Variants in PEAK1 observed in about 807,000 individuals in gnomAD.
The protein encoded by PEAK1 is pseudopodium enriched atypical kinase 1, also known as inactive tyrosine-protein kinase PEAK1.
In PEAK1, 54 loss-of-function variants were observed where a neutral mutation model predicts 124.7. That is an observed-to-expected ratio of 0.43 (90% CI 0.35 to 0.54). PEAK1 has a LOEUF of 0.54. Among genes scored for constraint, PEAK1 ranks in the 20% least tolerant of loss-of-function variants. The pLI, the probability that PEAK1 is intolerant of heterozygous loss-of-function variation, is 0.01. For synonymous variants in PEAK1, 719 were observed against 760.0 expected (o/e 0.95, Z 0.89); for missense variants, 2,046 against 2,134.5 (o/e 0.96, Z 0.82).
chr15:77,301,172 A>G (rs2063766215), intron 2 of PEAK1, among the ~76,000 whole-genome samples: 1 of 152,210 alleles, frequency 6.6e-6, no homozygotes, highest in African/African-American at 2.4e-5. Context: ...GCACTCTCTT[A>G]GAAGTCTCTA....
intron 5 of PEAK1, among the ~76,000 whole-genome samples, chr15:77,255,088 T>C (rs1187927489): frequency 3.9e-5 from 6 of 152,234 alleles, no homozygotes; most frequent in Non-Finnish European, 7.4e-5. Context: ...TTTCCAGATA[T>C]AGGGCACACA....
intron 8 of PEAK1, among the ~76,000 whole-genome samples, chr15:77,144,973 T>C (rs1231126251): frequency 6.6e-6 from 1 of 152,218 alleles, no homozygotes; most frequent in Non-Finnish European, 1.5e-5. Context: ...CATCACATAC[T>C]CTACATTTTT....
chr15:77,213,050 A>T (rs971503892), intron 6 of PEAK1, among the ~76,000 whole-genome samples: 1 of 152,376 alleles, frequency 6.6e-6, no homozygotes, highest in African/African-American at 2.4e-5. Context: ...CTGAAAGATC[A>T]TAATTCCCTA....
intron 8 of PEAK1, among the ~76,000 whole-genome samples, chr15:77,143,163 C>T (rs2053919330): frequency 6.6e-6 from 1 of 152,188 alleles, no homozygotes; most frequent in Non-Finnish European, 1.5e-5. Context: ...CCTATTTTCT[C>T]TTGGCTAATG....
At chr15:77,166,902 T>C (rs77281472) in intron 7 of PEAK1, among the ~76,000 whole-genome samples, 3 of 152,194 alleles carry the variant, frequency 2.0e-5, no homozygotes, top group Non-Finnish European at 2.9e-5. Context: ...ATTATGCCAA[T>C]GGCTACCAAA....
chr15:77,311,197 T>C (rs2064415632), intron 2 of PEAK1, among the ~76,000 whole-genome samples: 1 of 152,178 alleles, frequency 6.6e-6, no homozygotes, highest in Non-Finnish European at 1.5e-5. Context: ...ATCTCCCATA[T>C]GATAACTGCC....
At chr15:77,333,280 G>T (rs1053195154) in intron 2 of PEAK1, 31 of 951,650 alleles carry the variant, frequency 3.3e-5, no homozygotes, top group Non-Finnish European at 3.6e-5. Context: ...CCACTGTGCC[G>T]GATTCAATCA....
intron 2 of PEAK1, chr15:77,338,206 G>A: frequency 1.4e-6 from 1 of 738,786 alleles, no homozygotes; most frequent in Non-Finnish European, 1.7e-6. Flanking sequence ...GTATGGTTCA[G>A]ATTTAATTTA....
At chr15:77,380,103 G>A (rs570445647) in intron 1 of PEAK1, among the ~76,000 whole-genome samples, 1 of 151,850 alleles carries the variant, frequency 6.6e-6, no homozygotes, top group African/African-American at 2.4e-5. Flanking sequence ...TAGCTCCATT[G>A]GTCTTTGTTA....
intron 5 of PEAK1, among the ~76,000 whole-genome samples, chr15:77,253,169 G>A (rs1189765713): frequency 6.7e-6 from 1 of 149,352 alleles, no homozygotes; most frequent in Admixed American, 6.7e-5. Flanking sequence ...CTATATACAA[G>A]AGGATGTATA....
At chr15:77,176,928 G>C (rs965871112) in intron 7 of PEAK1, among the ~76,000 whole-genome samples, 1 of 152,122 alleles carries the variant, frequency 6.6e-6, no homozygotes, top group Admixed American at 6.5e-5. Context: ...TGTTTAAGCT[G>C]CCTCTTTTCT....
intron 6 of PEAK1, among the ~76,000 whole-genome samples, chr15:77,230,446 G>A (rs577915757): frequency 2.6e-5 from 4 of 152,158 alleles, no homozygotes; most frequent in East Asian, 3.9e-4. Flanking sequence ...TGATCCACCC[G>A]CCTTGGCCTC....
chr15:77,182,059 G>C lies in PEAK1; in HGVS notation c.-114-19C>G. 1 of 1,374,084 alleles carries C rather than the reference G, an allele frequency of 7.3e-7. No individual in the cohort carries two copies. The highest frequency in any genetic ancestry group is 1.5e-5 in the African/African-American group (1 of 68,530). The allele number at this position is 1,374,084 out of a possible 1,614,324, so 85.1% of individuals were successfully genotyped here. ...GATCAATCTGTGGAGGGGAAAAGAA[G>C]ACAAAAAATCTGAATGAAAAAGGCA... On this transcript the variant is annotated intron_variant, in intron 6 of 9. Transcript: ENST00000682557.
chr15:77,361,790 C>G (rs1217108880), intron 2 of PEAK1, among the ~76,000 whole-genome samples: 1 of 151,998 alleles, frequency 6.6e-6, no homozygotes, highest in East Asian at 1.9e-4. Flanking sequence ...TTTACTGTAG[C>G]ACTACTGACA....
chr15:77,181,299 T>A lies in PEAK1; in HGVS notation c.628A>T (p.Ile210Phe). 1 of 1,614,152 alleles carries A rather than the reference T, an allele frequency of 6.2e-7. No homozygotes were observed. The highest frequency in any genetic ancestry group is 1.7e-5 in the Admixed American group (1 of 60,034). ...ATCACTTCTGTGCTCCCACTCAGAA[T>A]AACATGCTTGCCCTGAGTTTCCTTT... ...GIKETQGKHV[I>F]LSGSTEVISN... Residue 210 changes from isoleucine to phenylalanine, a missense_variant, in exon 7 of 10, where the codon ATT (isoleucine) becomes TTT (phenylalanine). Ile to Phe is a conservative substitution (Grantham distance 21, BLOSUM62 0). Coordinates refer to ENST00000682557, the MANE Select transcript of PEAK1 (RefSeq NM_001385026.1).
Position 77,181,424 on chromosome 15 carries a change from T to C in PEAK1, c.503A>G (p.Asn168Ser). ...GLDTAPQIRG[N>S]ETNSRETFLG... ...GAATGTTTCTCTGGAGTTTGTTTCA[T>C]TTCCTCTTATCTGAGGGGCAGTATC... is the stretch of plus-strand genomic sequence containing the variant. The change falls in exon 7 of 10, where the codon AAT becomes AGT. Residue 168 changes from asparagine (N) to serine (S), a missense_variant. By Grantham distance (46) the Asn-to-Ser change is conservative (BLOSUM62 1). Coordinates refer to ENST00000682557, the MANE Select transcript of PEAK1 (RefSeq NM_001385026.1). The C allele has an allele frequency of 1.2e-6, 2 of 1,614,200 alleles. No homozygotes were observed. Among genetic ancestry groups the C allele is most frequent in the South Asian group, 1.1e-5 (1 of 91,082 alleles).
At chr15:77,175,766 G>A (rs1409911900) in intron 7 of PEAK1, among the ~76,000 whole-genome samples, 1 of 152,148 alleles carries the variant, frequency 6.6e-6, no homozygotes, top group Non-Finnish European at 1.5e-5. Context: ...TATACCCAAA[G>A]GATTATAAAT....
chr15:77,217,242 AAAAAAG>A (rs2059189750), intron 6 of PEAK1, among the ~76,000 whole-genome samples: 2 of 151,398 alleles, frequency 1.3e-5, no homozygotes, highest in Admixed American at 1.3e-4. Flanking sequence ...AAAAAAAAAA[AAAAAAG>A]GGCAGGTTGT....
At chr15:77,389,521 A>C (rs962841774) in intron 1 of PEAK1, among the ~76,000 whole-genome samples, 2 of 152,214 alleles carry the variant, frequency 1.3e-5, no homozygotes, top group Non-Finnish European at 2.9e-5. Flanking sequence ...AGCTGGGATG[A>C]TAACTTGTGG....
Sources: allele counts gnomAD v4.1 joint callset (sites outside exome capture counted in the v4.1 genomes callset), GRCh38; gene constraint gnomAD v4.1.1; transcripts MANE v1.5; gene names NCBI Gene and HGNC (gene_info 2026-07-23, HGNC 2026-07-21).